IFT27: variants seen among roughly 807,000 people sequenced by gnomAD.
The protein encoded by IFT27 is intraflagellar transport protein 27 homolog.
IFT27 carries 19 observed loss-of-function variants against 23.9 expected under a neutral mutation model. The observed-to-expected ratio is 0.79, with a 90% CI of 0.55 to 1.16. IFT27 has a LOEUF of 1.16. IFT27 is among the 50% of genes most tolerant of loss of function. IFT27 has a pLI of 0.00. For missense variants in IFT27, 206 were observed against 228.7 expected (o/e 0.90, Z 0.64); for synonymous variants, 91 against 89.1 (o/e 1.02, Z -0.12).
At position 36,762,931 on chromosome 22, in the gene IFT27, C is replaced by T; in HGVS notation, c.435G>A (p.Gln145=). The T allele has an allele frequency of 6.3e-7, 1 of 1,589,792 alleles. No homozygotes were observed. Among genetic ancestry groups the T allele is most frequent in the South Asian group, 1.1e-5 (1 of 87,196 alleles). Reference sequence around the variant, plus strand: ...CGGATGTTTCAAAACATTCCAGGCCCTGGCCCAGCGCCCATGCCCGGGCCT... The same window carrying T: ...CGGATGTTTCAAAACATTCCAGGCCTTGGCCCAGCGCCCATGCCCGGGCCT... ...SAEARAWALG[Q]GLECFETSVK... is the part of the protein sequence containing the mutation. Residue 145 remains glutamine (Q), a synonymous_variant, in exon 6 of 7, where the codon CAG becomes CAA. Transcript: ENST00000433985.
intron 1 of IFT27, 62 bp downstream of exon 1, chr22:36,775,612 T>G: frequency 6.4e-7 from 1 of 1,572,360 alleles, no homozygotes; most frequent in Non-Finnish European, 8.8e-7. Context: ...AAGCTCTGGA[T>G]GAATTATGAA....
intron 2 of IFT27, among the ~76,000 whole-genome samples, 186 bp downstream of exon 2, chr22:36,767,597 T>C (rs1159628221): frequency 1.3e-5 from 2 of 152,212 alleles, no homozygotes; most frequent in Non-Finnish European, 2.9e-5. Flanking sequence ...AAGTTGCTTG[T>C]GGCCATTCTG....
At chr22:36,771,832 C>T (rs529498170) in intron 1 of IFT27, among the ~76,000 whole-genome samples, 111 of 152,308 alleles carry the variant, frequency 7.3e-4, no homozygotes, top group African/African-American at 2.5e-3. Flanking sequence ...CAGTGGGTGG[C>T]ATCAACAGGT....
chr22:36,761,068 G>A (rs1938077981), intron 6 of IFT27: 1 of 155,644 alleles, frequency 6.4e-6, no homozygotes, highest in Non-Finnish European at 1.5e-5. Context: ...AACTCAGGGG[G>A]GACTAGTTAA....
chr22:36,758,220 T>C lies in IFT27; in HGVS notation c.*91A>G. 8.9e-7 allele frequency: 1 copy of C among 1,119,952 alleles called. No homozygotes were observed. Among genetic ancestry groups the C allele is most frequent in the South Asian group, 1.3e-5 (1 of 79,956 alleles). The allele number at this position is 1,119,952 out of a possible 1,614,324, so 69.4% of individuals were successfully genotyped here. Reference sequence around the variant, plus strand: ...AAGGAGCTGCTGCTTCGACATTTTCTCCTAATTTTATTTAAAGCCATCATT... The same window carrying C: ...AAGGAGCTGCTGCTTCGACATTTTCCCCTAATTTTATTTAAAGCCATCATT... On this transcript the variant is annotated 3_prime_UTR_variant, in exon 7 of 7. Coordinates refer to ENST00000433985, the MANE Select transcript of IFT27 (RefSeq NM_001177701.3).
At chr22:36,767,930 G>C in intron 1 of IFT27, 68 bp from the exon 2 acceptor site, 1 of 1,383,054 alleles carries the variant, frequency 7.2e-7, no homozygotes, top group Non-Finnish European at 1.0e-6. Flanking sequence ...TCCCGCTGCA[G>C]AACATTAGTC....
chr22:36,770,309 T>C (rs1938360303), intron 1 of IFT27, among the ~76,000 whole-genome samples: 1 of 152,040 alleles, frequency 6.6e-6, no homozygotes, highest in Admixed American at 6.5e-5. Context: ...CCTTCCCGAG[T>C]CCTGTCCCCG....
At chr22:36,762,068 G>C (rs1177161158) in intron 6 of IFT27, 4 of 151,834 alleles carry the variant, frequency 2.6e-5, no homozygotes, top group African/African-American at 9.7e-5. Context: ...TGCTGGCTCT[G>C]AGATGGATGT....
chr22:36,767,371 G>A lies in IFT27; in HGVS notation c.115-6C>T, dbSNP rs1012220177. On this transcript the variant is annotated splice_polypyrimidine_tract_variant and splice_region_variant and intron_variant, in intron 2 of 6. Transcript: ENST00000433985. Reference sequence around the variant, plus strand: ...ACCAAATCCATTCCTGTTGTCTGCCGAGGAACACCAAGAATGTTAGCACTG... The same window carrying A: ...ACCAAATCCATTCCTGTTGTCTGCCAAGGAACACCAAGAATGTTAGCACTG... 6 of 1,610,862 alleles carry A rather than the reference G, an allele frequency of 3.7e-6. No homozygotes were observed. Among genetic ancestry groups the A allele is most frequent in the Non-Finnish European group, 5.1e-6 (6 of 1,178,188 alleles).
chr22:36,772,846 A>C, intron 1 of IFT27: 1 of 894,212 alleles, frequency 1.1e-6, no homozygotes, highest in Non-Finnish European at 1.3e-6. Flanking sequence ...AAATAAAACC[A>C]ATGGCATGTG....
chr22:36,769,608 G>A (rs139196736), intron 1 of IFT27, among the ~76,000 whole-genome samples: 180 of 152,212 alleles, frequency 1.2e-3, no homozygotes, highest in Non-Finnish European at 1.1e-3. Flanking sequence ...GCCTGCCTCT[G>A]CCTGCCAAAG....
In IFT27 at chr22:36,775,728, G is replaced by A; in HGVS notation, c.-21C>T. ...ACCATGGTAACCAACACTCCCGCGA[G>A]CCGTACCCAGAGGACAAGAGCGGCT... is the stretch of plus-strand genomic sequence containing the variant. On this transcript the variant is annotated 5_prime_UTR_variant, in exon 1 of 7. Transcript: ENST00000433985. 1 of 1,614,072 alleles carries A rather than the reference G, an allele frequency of 6.2e-7. No individual in the cohort carries two copies. Among genetic ancestry groups the A allele is most frequent in the Non-Finnish European group, 8.5e-7 (1 of 1,179,964 alleles).
chr22:36,763,746 G>A (rs927179069), intron 5 of IFT27, 173 bp downstream of exon 5: 2 of 695,800 alleles, frequency 2.9e-6, no homozygotes, highest in South Asian at 3.0e-5. Context: ...TGTGTGTGGT[G>A]ACTCACCGAG....
chr22:36,774,188 T>TCC (rs1246165946), intron 1 of IFT27, among the ~76,000 whole-genome samples: 1 of 152,228 alleles, frequency 6.6e-6, no homozygotes, highest in East Asian at 1.9e-4. Context: ...TTTATTTTGC[T>TCC]CCAGTATGAT....
chr22:36,765,990 C>G, intron 4 of IFT27, 148 bp downstream of exon 4: 1 of 724,090 alleles, frequency 1.4e-6, no homozygotes, highest in South Asian at 1.6e-5. Context: ...TCCATGAGTC[C>G]TGGGCTGGGA....
At chr22:36,773,286 A>G (rs1397337167) in intron 1 of IFT27, among the ~76,000 whole-genome samples, 1 of 152,024 alleles carries the variant, frequency 6.6e-6, no homozygotes, top group Non-Finnish European at 1.5e-5. Context: ...TAAACCCAGG[A>G]GGTGGAAGTT....
At chr22:36,764,866 A>G (rs1036305273) in intron 4 of IFT27, among the ~76,000 whole-genome samples, 2 of 152,124 alleles carry the variant, frequency 1.3e-5, no homozygotes, top group Admixed American at 1.3e-4. Flanking sequence ...GGTGCTCGTG[A>G]CTCTTGGCCA....
At chr22:36,771,897 G>A (rs1437643344) in intron 1 of IFT27, among the ~76,000 whole-genome samples, 3 of 151,960 alleles carry the variant, frequency 2.0e-5, no homozygotes, top group African/African-American at 7.3e-5. Context: ...AAACCCCACT[G>A]AGGATTCCTT....
intron 5 of IFT27, chr22:36,763,402 T>G (rs1601493921): frequency 1.2e-5 from 3 of 247,682 alleles, no homozygotes; most frequent in Non-Finnish European, 1.6e-5. Flanking sequence ...CGGCTCGGAG[T>G]CAGGGATTCA....
Sources: gnomAD v4.1 joint callset for allele counts (sites outside exome capture counted in the v4.1 genomes callset) on GRCh38, gnomAD v4.1.1 for gene constraint, MANE v1.5 for transcripts, NCBI Gene and HGNC (gene_info 2026-07-23, HGNC 2026-07-21) for gene names.